Variants in MTHFD2L observed in about 807,000 individuals in gnomAD.
MTHFD2L encodes bifunctional methylenetetrahydrofolate dehydrogenase/cyclohydrolase 2, mitochondrial.
Under a neutral mutation model 34.9 loss-of-function variants are expected in MTHFD2L, and 29 were observed. That is an observed-to-expected ratio of 0.83 (90% confidence interval 0.62 to 1.13). The LOEUF is 1.13. Ranked by LOEUF, MTHFD2L falls within the 50% of genes most tolerant of loss-of-function variation. MTHFD2L has a pLI of 0.00. For synonymous variants in MTHFD2L, 167 were observed against 155.7 expected (o/e 1.07, Z -0.54); for missense variants, 481 against 446.5 (o/e 1.08, Z -0.70).
At chr4:74,246,926 T>A (rs1742550943) in intron 6 of MTHFD2L, among the ~76,000 whole-genome samples, 1 of 152,200 alleles carries the variant, frequency 6.6e-6, no homozygotes, top group Non-Finnish European at 1.5e-5. Flanking sequence ...GTCTCCAGCT[T>A]TGTTCCTTTG....
At chr4:74,138,565 A>G (rs1723091776) in intron 1 of MTHFD2L, among the ~76,000 whole-genome samples, 1 of 152,094 alleles carries the variant, frequency 6.6e-6, no homozygotes, top group Admixed American at 6.6e-5. Context: ...TGCAGGAACA[A>G]TGGCGAGCCT....
In MTHFD2L at chr4:74,284,186, A is replaced by G. The variant is rs75941216; in HGVS notation, c.931+2636A>G. ...TGATGGGAATGATTTATCCACATAA[A>G]TAAACAAAATGGCTGTGACAGAAAG... On this transcript the variant is annotated intron_variant, in intron 7 of 7. Coordinates refer to ENST00000325278, the MANE Select transcript of MTHFD2L (RefSeq NM_001144978.3). 1.9e-3 allele frequency among the ~76,000 whole-genome samples: 287 copies of G among 152,302 alleles called. 1 individual carries two copies. The highest frequency in any genetic ancestry group is 6.4e-3 in the African/African-American group (264 of 41,568).
At chr4:74,157,628 T>C (rs1251563334), upstream of MTHFD2L, 1 of 456,614 alleles carries the variant, frequency 2.2e-6, no homozygotes, top group Non-Finnish European at 4.4e-6. Flanking sequence ...GTTTTGCTCC[T>C]TCTCCACACA....
Position 74,258,640 on chromosome 4 carries a change from CTG to C in MTHFD2L, c.806-22783_806-22782del, listed in dbSNP as rs564665542. Among the ~76,000 whole-genome samples, 188 of 152,118 alleles carry C rather than the reference CTG, an allele frequency of 1.2e-3. 3 individuals carry two copies. The highest frequency in any genetic ancestry group is 0.01 in the Middle Eastern group (3 of 294). ...ATATCAGATGTATTTCAAGGGATGA[CTG>C]TATATACACACACATAAAATTTATG... is the stretch of plus-strand genomic sequence containing the variant. On this transcript the variant is annotated intron_variant, in intron 6 of 7. Coordinates refer to ENST00000325278, the MANE Select transcript of MTHFD2L (RefSeq NM_001144978.3).
At chr4:74,250,590 G>T (rs191275228) in intron 6 of MTHFD2L, among the ~76,000 whole-genome samples, 1 of 152,212 alleles carries the variant, frequency 6.6e-6, no homozygotes, top group Admixed American at 6.5e-5. Flanking sequence ...TCTGGATATT[G>T]TTCTACTATT....
At chr4:74,276,270 A>T (rs1746634538) in intron 6 of MTHFD2L, among the ~76,000 whole-genome samples, 1 of 152,130 alleles carries the variant, frequency 6.6e-6, no homozygotes, top group South Asian at 2.1e-4. Flanking sequence ...TTCATCTTTC[A>T]TCTTTCTGAG....
chr4:74,177,915 T>C (rs1384693823), intron 3 of MTHFD2L, among the ~76,000 whole-genome samples: 1 of 151,966 alleles, frequency 6.6e-6, no homozygotes, highest in Non-Finnish European at 1.5e-5. Context: ...GAAATAAGAA[T>C]CAACTTTTTA....
Position 74,288,597 on chromosome 4 carries a change from A to G in MTHFD2L, c.931+7047A>G, listed in dbSNP as rs996114414. 7.9e-5 allele frequency: 12 copies of G among 152,188 alleles called. No individual in the cohort carries two copies. The East Asian group carries it at 1.9e-3, about 24-fold the overall frequency. The allele number at this position is 152,188 out of a possible 1,614,324, so 9.4% of individuals were successfully genotyped here. On this transcript the variant is annotated intron_variant, in intron 7 of 7. Coordinates refer to ENST00000325278, the MANE Select transcript of MTHFD2L (RefSeq NM_001144978.3). The stretch of plus-strand genomic sequence containing the variant: ...CCTATCCAGAATTCATTTTGTTCTG[A>G]AAAACCTCAGGGGACAATCTCGTCA...
At chr4:74,159,444 A>T (rs551627620) in intron 1 of MTHFD2L, among the ~76,000 whole-genome samples, 1 of 152,330 alleles carries the variant, frequency 6.6e-6, no homozygotes, top group Non-Finnish European at 1.5e-5. Flanking sequence ...ACTCTAAATT[A>T]CTTGTTTGTA....
At chr4:74,206,373 G>C (rs1735318523) in intron 5 of MTHFD2L, among the ~76,000 whole-genome samples, 1 of 151,250 alleles carries the variant, frequency 6.6e-6, no homozygotes, top group Non-Finnish European at 1.5e-5. Flanking sequence ...CAGGGGCCTT[G>C]AAGTAATCTC....
intron 1 of MTHFD2L, among the ~76,000 whole-genome samples, chr4:74,143,198 T>A (rs1723382961): frequency 6.6e-6 from 1 of 150,722 alleles, no homozygotes; most frequent in Non-Finnish European, 1.5e-5. Flanking sequence ...TGGGAAAGAA[T>A]GTAGGAAAAA....
intron 6 of MTHFD2L, among the ~76,000 whole-genome samples, chr4:74,260,978 A>G (rs1250080583): frequency 1.3e-5 from 2 of 150,684 alleles, no homozygotes; most frequent in Non-Finnish European, 3.0e-5. Flanking sequence ...GCTTTAAAAA[A>G]ATCTAATAAA....
intron 1 of MTHFD2L, among the ~76,000 whole-genome samples, chr4:74,145,120 C>A (rs1412071601): frequency 6.7e-6 from 1 of 149,956 alleles, no homozygotes; most frequent in Non-Finnish European, 1.5e-5. Flanking sequence ...AGGTTCCAAC[C>A]ATAAAAGACT....
chr4:74,272,677 G>A (rs1366543523), intron 6 of MTHFD2L, among the ~76,000 whole-genome samples: 1 of 151,966 alleles, frequency 6.6e-6, no homozygotes, highest in Non-Finnish European at 1.5e-5. Context: ...TTTGATTTTT[G>A]TGCCAAGTCC....
At chr4:74,177,097 G>T (rs778214367) in intron 3 of MTHFD2L, among the ~76,000 whole-genome samples, 6 of 151,790 alleles carry the variant, frequency 4.0e-5, no homozygotes, top group Non-Finnish European at 5.9e-5. Context: ...AAATGCTCTG[G>T]CAGATAATGC....
intron 7 of MTHFD2L, among the ~76,000 whole-genome samples, chr4:74,282,418 G>A (rs1669521401): frequency 6.6e-6 from 1 of 152,102 alleles, no homozygotes; most frequent in East Asian, 1.9e-4. Flanking sequence ...CCTTCTTACA[G>A]AGAAACTGAA....
chr4:74,222,445 G>A (rs1738369415), intron 5 of MTHFD2L, among the ~76,000 whole-genome samples: 1 of 152,088 alleles, frequency 6.6e-6, no homozygotes, highest in African/African-American at 2.4e-5. Context: ...TCATTTAGAA[G>A]GAACCCACTC....
At chr4:74,246,485 A>G (rs1742470279) in intron 6 of MTHFD2L, among the ~76,000 whole-genome samples, 1 of 152,142 alleles carries the variant, frequency 6.6e-6, no homozygotes, top group Non-Finnish European at 1.5e-5. Context: ...TAGTTTAATT[A>G]GATCCCATTT....
chr4:74,265,782 T>C (rs920386695), intron 6 of MTHFD2L, among the ~76,000 whole-genome samples: 7 of 152,218 alleles, frequency 4.6e-5, no homozygotes, highest in Admixed American at 6.5e-5. Flanking sequence ...TACTTTGGTA[T>C]ATCATATGAT....
Sources: gnomAD v4.1 joint callset for allele counts (sites outside exome capture counted in the v4.1 genomes callset) on GRCh38, gnomAD v4.1.1 for gene constraint, MANE v1.5 for transcripts, NCBI Gene and HGNC (gene_info 2026-07-23, HGNC 2026-07-21) for gene names.